Variants in VIPR2 observed in about 807,000 individuals in gnomAD.
VIPR2 encodes vasoactive intestinal polypeptide receptor 2.
In VIPR2, 48 loss-of-function variants were observed where a neutral mutation model predicts 58.0. That is an observed-to-expected ratio of 0.83 (90% CI 0.66 to 1.05). The LOEUF is 1.05. VIPR2 is among the 50% of genes least tolerant of loss of function. The pLI, the probability that VIPR2 is intolerant of heterozygous loss-of-function variation, is 0.00. For missense variants in VIPR2, 534 were observed against 558.0 expected (o/e 0.96, Z 0.43); for synonymous variants, 243 against 235.2 (o/e 1.03, Z -0.30).
At position 159,093,638 on chromosome 7, in the gene VIPR2, C is replaced by T. The variant is rs894394956; in HGVS notation, c.357+10119G>A. 2.6e-5 allele frequency among the ~76,000 whole-genome samples: 4 copies of T among 152,182 alleles called. No homozygotes were observed. Among genetic ancestry groups the T allele is most frequent in the African/African-American group, 9.7e-5 (4 of 41,438 alleles). On this transcript the variant is annotated intron_variant, in intron 4 of 12. Transcript: ENST00000262178. This position sits in a 1 kb window ranked among gnomAD's most constrained non-coding sequence, Gnocchi z 6.7. ...TGTTCCACCCACAACAAGCAGGTGC[C>T]CACAGCGTCCCTGGGTCCAGACATG...
chr7:159,071,450 C>G (rs1856383330), intron 4 of VIPR2, among the ~76,000 whole-genome samples: 1 of 152,208 alleles, frequency 6.6e-6, no homozygotes, highest in African/African-American at 2.4e-5. Flanking sequence ...CTGAGCATCT[C>G]CCTGGCACTG....
chr7:159,067,996 C>G (rs2129494432), intron 4 of VIPR2, among the ~76,000 whole-genome samples: 1 of 152,330 alleles, frequency 6.6e-6, no homozygotes, highest in South Asian at 2.1e-4. Flanking sequence ...TTGAGCAATC[C>G]AGGCTGCGGC....
rs1856841751 is a variant in VIPR2, at chr7:159,080,417, A to G, written c.358-21839T>C. On this transcript the variant is annotated intron_variant, in intron 4 of 12. Coordinates refer to ENST00000262178, the MANE Select transcript of VIPR2 (RefSeq NM_003382.5). Reference sequence around the variant, plus strand: ...AAAAGGCCTTTGACAAAATTCAACAACCCTTCATGTTAAAAACTCTCAATA... The same window carrying G: ...AAAAGGCCTTTGACAAAATTCAACAGCCCTTCATGTTAAAAACTCTCAATA... Among the ~76,000 whole-genome samples, 5 of 152,130 alleles carry G rather than the reference A, an allele frequency of 3.3e-5. No individual in the cohort carries two copies. The South Asian group carries it at 1.0e-3, about 32-fold the overall frequency.
intron 10 of VIPR2, 74 bp downstream of exon 10, chr7:159,034,138 TC>T: frequency 6.7e-7 from 1 of 1,501,502 alleles, no homozygotes. Flanking sequence ...TCCAGGGCCT[TC>T]CTGGCAGCGT....
intron 7 of VIPR2, 105 bp downstream of exon 7, chr7:159,036,647 G>A: frequency 2.2e-6 from 3 of 1,370,938 alleles, no homozygotes; most frequent in South Asian, 2.9e-5. Flanking sequence ...ACCCTGACAT[G>A]CATTCTACGG....
At chr7:159,039,180 C>T (rs746232783) in intron 6 of VIPR2, among the ~76,000 whole-genome samples, 23 of 152,190 alleles carry the variant, frequency 1.5e-4, no homozygotes, top group African/African-American at 2.7e-4. Context: ...CACATGCAGC[C>T]GGGTGCAGTG....
intron 2 of VIPR2, among the ~76,000 whole-genome samples, chr7:159,132,711 A>G (rs1336810482): frequency 2.6e-5 from 4 of 152,170 alleles, no homozygotes; most frequent in Non-Finnish European, 2.9e-5. Context: ...AAGAACAAGG[A>G]ATCGTGAGTA....
At position 159,099,869 on chromosome 7, in the gene VIPR2, A is replaced by G. The variant is rs1282606486; in HGVS notation, c.357+3888T>C. Among the ~76,000 whole-genome samples, 1 of 152,138 alleles carries G rather than the reference A, an allele frequency of 6.6e-6. No individual in the cohort carries two copies. The highest frequency in any genetic ancestry group is 1.9e-4 in the East Asian group (1 of 5,178). ...TCACTGCTGTGATCTCACACACCAG[A>G]GCCGCTGTCAGCCATGGTGTGTGAT... is the stretch of plus-strand genomic sequence containing the variant. On this transcript the variant is annotated intron_variant, in intron 4 of 12. Coordinates refer to ENST00000262178, the MANE Select transcript of VIPR2 (RefSeq NM_003382.5). The surrounding 1 kb of genome is among the most constrained non-coding windows in gnomAD (Gnocchi z 4.2).
At position 159,102,937 on chromosome 7, in the gene VIPR2, G is replaced by A. The variant is rs114754942; in HGVS notation, c.357+820C>T. Reference sequence around the variant, plus strand: ...CTGGCTGCAGGTTGCTATGGTGCCCGCCACCCACACGGTGCTGCCAGGGCT... The same window carrying A: ...CTGGCTGCAGGTTGCTATGGTGCCCACCACCCACACGGTGCTGCCAGGGCT... On this transcript the variant is annotated intron_variant, in intron 4 of 12. Coordinates refer to ENST00000262178, the MANE Select transcript of VIPR2 (RefSeq NM_003382.5). Among the ~76,000 whole-genome samples the A allele has an allele frequency of 7.8e-3, 1,188 of 152,320 alleles. 15 individuals are homozygous for A. The highest frequency in any genetic ancestry group is 0.027 in the African/African-American group (1,125 of 41,574).
In VIPR2 at chr7:159,099,291, A is replaced by T. The variant is rs550819915; in HGVS notation, c.357+4466T>A. 6.6e-6 allele frequency among the ~76,000 whole-genome samples: 1 copy of T among 152,372 alleles called. No individual in the cohort carries two copies. The highest frequency in any genetic ancestry group is 1.5e-5 in the Non-Finnish European group (1 of 68,036). On this transcript the variant is annotated intron_variant, in intron 4 of 12. Coordinates refer to ENST00000262178, the MANE Select transcript of VIPR2 (RefSeq NM_003382.5). The surrounding 1 kb of genome is among the most constrained non-coding windows in gnomAD (Gnocchi z 4.2). Reference sequence around the variant, plus strand: ...AAAATAGTTCTTCAGACTAAACAGCAAAGCATCAGGGGATCACAGAGCCAC... The same window carrying T: ...AAAATAGTTCTTCAGACTAAACAGCTAAGCATCAGGGGATCACAGAGCCAC...
chr7:159,105,878 C>T (rs1858612995), intron 3 of VIPR2, among the ~76,000 whole-genome samples: 1 of 152,214 alleles, frequency 6.6e-6, no homozygotes, highest in Non-Finnish European at 1.5e-5. Context: ...TATAATAATA[C>T]TAGTCATGTG....
intron 4 of VIPR2, among the ~76,000 whole-genome samples, chr7:159,101,014 G>C (rs1436268997): frequency 2.1e-5 from 3 of 141,720 alleles, no homozygotes; most frequent in Admixed American, 7.2e-5. Flanking sequence ...GGTTCTGACT[G>C]TTCCCGTGGT....
chr7:159,140,326 C>T (rs188813579), intron 2 of VIPR2, among the ~76,000 whole-genome samples: 5 of 152,328 alleles, frequency 3.3e-5, no homozygotes, highest in East Asian at 1.9e-4. Context: ...TCTAATCAGA[C>T]GCCTGCCTCA....
At chr7:159,117,480 T>C (rs1353187047) in intron 2 of VIPR2, 6 of 708,676 alleles carry the variant, frequency 8.5e-6, no homozygotes, top group Non-Finnish European at 1.3e-5. Flanking sequence ...CAGGACGTCA[T>C]CTCAGAGGTG....
Position 159,128,582 on chromosome 7 carries a change from A to C in VIPR2, c.151+13864T>G, listed in dbSNP as rs1796743386. On this transcript the variant is annotated intron_variant, in intron 2 of 12. Transcript: ENST00000262178. This position sits in a 1 kb window ranked among gnomAD's most constrained non-coding sequence, Gnocchi z 4.1. Reference sequence around the variant, plus strand: ...TCTGACCCTGCCTTCTTTGCTCTCCATGAAATTTCAGGAGGAGCATCCACT... The same window carrying C: ...TCTGACCCTGCCTTCTTTGCTCTCCCTGAAATTTCAGGAGGAGCATCCACT... Among the ~76,000 whole-genome samples, 1 of 152,040 alleles carries C rather than the reference A, an allele frequency of 6.6e-6. No individual in the cohort carries two copies. Among genetic ancestry groups the C allele is most frequent in the Admixed American group, 6.5e-5 (1 of 15,282 alleles).
In VIPR2 at chr7:159,034,533, A is replaced by G. The variant is rs551665698; in HGVS notation, c.879+48T>C. 6 of 1,563,564 alleles carry G rather than the reference A, an allele frequency of 3.8e-6. No individual in the cohort carries two copies. The Admixed American group carries it at 1.0e-4, about 26-fold the overall frequency. On this transcript the variant is annotated intron_variant, in intron 9 of 12. Transcript: ENST00000262178. ...AGGATGGCAGGCTTGCTGTCTGCCC[A>G]AGTGTGTGATTCCACAGATAATCCA... is the stretch of plus-strand genomic sequence containing the variant.
intron 2 of VIPR2, among the ~76,000 whole-genome samples, chr7:159,126,097 C>T (rs868774881): frequency 1.3e-5 from 2 of 152,180 alleles, no homozygotes; most frequent in Admixed American, 6.5e-5. Context: ...TGGGGGCTCT[C>T]GTAAACAAAC....
intron 4 of VIPR2, among the ~76,000 whole-genome samples, chr7:159,064,289 C>T (rs1855953710): frequency 6.6e-6 from 1 of 152,028 alleles, no homozygotes; most frequent in Admixed American, 6.5e-5. Context: ...CTGGCTGAGG[C>T]GACCCTGCAC....
At position 159,093,130 on chromosome 7, in the gene VIPR2, CG is replaced by C. The variant is rs1271259050; in HGVS notation, c.357+10626del. On this transcript the variant is annotated intron_variant, in intron 4 of 12. Coordinates refer to ENST00000262178, the MANE Select transcript of VIPR2 (RefSeq NM_003382.5). The surrounding 1 kb of genome is among the most constrained non-coding windows in gnomAD (Gnocchi z 6.7). ...TCCCAAGCTGAGAGATGTGGTCCTGCGGGGGCTGGTGGGGGCAGAAGACATT... is the reference window on the plus strand; with the variant it reads ...TCCCAAGCTGAGAGATGTGGTCCTGCGGGGCTGGTGGGGGCAGAAGACATT... Among the ~76,000 whole-genome samples, 15 of 152,180 alleles carry C rather than the reference CG, an allele frequency of 9.9e-5. No homozygotes were observed. The highest frequency in any genetic ancestry group is 3.6e-4 in the African/African-American group (15 of 41,528).
Sources: allele counts gnomAD v4.1 joint callset (sites outside exome capture counted in the v4.1 genomes callset), GRCh38; gene constraint gnomAD v4.1.1; non-coding constraint Gnocchi (gnomAD v3.1); transcripts MANE v1.5; gene names NCBI Gene and HGNC (gene_info 2026-07-23, HGNC 2026-07-21).